The following CIZ1 variants were observed in gnomAD, a reference collection of about 807,000 sequenced individuals.
CIZ1 encodes CDKN1A interacting zinc finger protein 1, also known as cip1-interacting zinc finger protein.
CIZ1 carries 58 observed loss-of-function variants against 118.6 expected under a neutral mutation model. The ratio of observed to expected loss-of-function variants is 0.49; its 90% CI spans 0.40 to 0.61. CIZ1 has a LOEUF of 0.61. CIZ1 is among the 20% of genes least tolerant of loss of function. The probability of loss-of-function intolerance (pLI) is 0.00; values close to 1 mark genes in which losing one functional copy is unlikely to be tolerated. For missense variants in CIZ1, 921 were observed against 1,115.9 expected, an observed-to-expected ratio of 0.83 and a Z score of 2.49; for synonymous variants, 448 against 443.4, an observed-to-expected ratio of 1.01 and a Z score of -0.13.
chr9:128,187,990 C>T, intron 3 of CIZ1, 56 bp from the exon 4 acceptor site: 3 of 509,650 alleles, frequency 5.9e-6, no homozygotes, highest in South Asian at 4.1e-5. Flanking sequence ...TCCATCCCCC[C>T]TGACTCAGTG....
At chr9:128,199,766 G>T (rs1833464955) in intron 1 of CIZ1, among the ~76,000 whole-genome samples, 1 of 147,680 alleles carries the variant, frequency 6.8e-6, no homozygotes, top group Non-Finnish European at 1.5e-5. Context: ...AGAGAGTAAA[G>T]AAGCCATTTC....
chr9:128,168,326 G>A (rs1320638671), intron 14 of CIZ1, among the ~76,000 whole-genome samples: 2 of 152,068 alleles, frequency 1.3e-5, no homozygotes, highest in African/African-American at 4.8e-5. Context: ...GACCAGCCTG[G>A]CCAATATGGT....
chr9:128,177,047 G>A (rs1830948279), intron 10 of CIZ1, among the ~76,000 whole-genome samples: 1 of 152,168 alleles, frequency 6.6e-6, no homozygotes. Context: ...TGGGATTACA[G>A]AAGCATGCCA....
chr9:128,166,627 C>T lies in CIZ1; in HGVS notation c.2487+132G>A. 4 of 1,224,758 alleles carry T rather than the reference C, an allele frequency of 3.3e-6. No homozygotes were observed. Among genetic ancestry groups the T allele is most frequent in the Non-Finnish European group, 4.7e-6 (4 of 852,908 alleles). The allele number at this position is 1,224,758 out of a possible 1,614,324, so 75.9% of individuals were successfully genotyped here. ...ACCCCACCCCAGCTCTAATTCTCTC[C>T]CTGTTGGTGCAGGGGTGGTGCCTGG... On this transcript the variant is annotated intron_variant, in intron 16 of 16. Transcript: ENST00000372938. The surrounding 1 kb of genome is among the most constrained non-coding windows in gnomAD (Gnocchi z 4.4).
intron 1 of CIZ1, among the ~76,000 whole-genome samples, chr9:128,200,710 G>T (rs1263276195): frequency 1.3e-5 from 2 of 151,200 alleles, no homozygotes; most frequent in African/African-American, 4.9e-5. Flanking sequence ...GGTGGTGCAT[G>T]CCTGTAGTCC....
At chr9:128,182,369 G>A (rs1324220794) in intron 5 of CIZ1, among the ~76,000 whole-genome samples, 2 of 152,124 alleles carry the variant, frequency 1.3e-5, no homozygotes, top group Non-Finnish European at 1.5e-5. Context: ...TCAAACTCCT[G>A]ACCTCAGATG....
At chr9:128,189,381 C>T (rs561480872) in intron 3 of CIZ1, among the ~76,000 whole-genome samples, 1 of 152,206 alleles carries the variant, frequency 6.6e-6, no homozygotes, top group Non-Finnish European at 1.5e-5. Context: ...GTGGCCCTGA[C>T]AGGTCCACAG....
At chr9:128,173,208 G>A (rs914700922) in intron 11 of CIZ1, among the ~76,000 whole-genome samples, 13 of 143,726 alleles carry the variant, frequency 9.0e-5, no homozygotes, top group Non-Finnish European at 1.6e-4. Context: ...GCAGTGGCGC[G>A]ATCTTGGCTT....
chr9:128,199,139 GAGT>G (rs1564310965), intron 1 of CIZ1, among the ~76,000 whole-genome samples: 6 of 151,494 alleles, frequency 4.0e-5, no homozygotes, highest in African/African-American at 1.2e-4. Flanking sequence ...AGGCCGAGGT[GAGT>G]GGATCACCTG....
At chr9:128,193,861 T>C (rs1014105881), upstream of CIZ1, among the ~76,000 whole-genome samples, 1 of 152,188 alleles carries the variant, frequency 6.6e-6, no homozygotes, top group African/African-American at 2.4e-5. Flanking sequence ...TCTTAGCTGG[T>C]TTCCTCCTTG....
chr9:128,171,092 C>G (rs1450623130), intron 11 of CIZ1, among the ~76,000 whole-genome samples: 1 of 152,018 alleles, frequency 6.6e-6, no homozygotes, highest in Non-Finnish European at 1.5e-5. Flanking sequence ...CCACTGCACT[C>G]CAGCTGGGGC....
chr9:128,176,209 G>T, intron 11 of CIZ1, 142 bp downstream of exon 11: 2 of 1,008,378 alleles, frequency 2.0e-6, no homozygotes, highest in Non-Finnish European at 2.9e-6. Context: ...GAGGTTCAAG[G>T]TCACACAGTT....
At chr9:128,169,720 A>G (rs925482195) in intron 12 of CIZ1, 2 of 1,534,346 alleles carry the variant, frequency 1.3e-6, no homozygotes, top group African/African-American at 2.7e-5. Context: ...AGGATGGCAG[A>G]TGGCAACACA....
At chr9:128,167,768 G>GCAGGTGTAGGGAGGAGACCCTGACCTTA in intron 14 of CIZ1, 1 of 154,386 alleles carries the variant, frequency 6.5e-6, no homozygotes, top group Non-Finnish European at 1.5e-5. Context: ...GCCCTAGCAG[G>GCAGGTGTAGGGAGGAGACCCTGACCTTA]CCTAGCAGTG....
Position 128,166,584 on chromosome 9 carries a change from T to G in CIZ1, c.2487+175A>C, listed in dbSNP as rs1829455346. ...TAACAGCCTGGCACTCAGCATCCCC[T>G]TGAACAATAAGAGCCCAACCCCACC... On this transcript the variant is annotated intron_variant, in intron 16 of 16. Transcript: ENST00000372938. This position sits in a 1 kb window ranked among gnomAD's most constrained non-coding sequence, Gnocchi z 4.4. The G allele has an allele frequency of 1.0e-6, 1 of 991,166 alleles. No homozygotes were observed. Among genetic ancestry groups the G allele is most frequent in the South Asian group, 1.6e-5 (1 of 62,006 alleles). The allele number at this position is 991,166 out of a possible 1,614,324, so 61.4% of individuals were successfully genotyped here.
intron 11 of CIZ1, among the ~76,000 whole-genome samples, chr9:128,173,954 C>T (rs1222668744): frequency 3.3e-5 from 5 of 151,640 alleles, no homozygotes; most frequent in African/African-American, 7.3e-5. Flanking sequence ...TGCAGTGAGC[C>T]GAGATCGCGC....
intron 9 of CIZ1, 130 bp downstream of exon 9, chr9:128,178,239 G>T: frequency 8.7e-7 from 1 of 1,144,130 alleles, no homozygotes; most frequent in Non-Finnish European, 1.2e-6. Flanking sequence ...ATCCTAGGCA[G>T]AGGGCTGTCA....
At chr9:128,167,357 C>A in intron 14 of CIZ1, 193 bp from the exon 15 acceptor site, 1 of 573,842 alleles carries the variant, frequency 1.7e-6, no homozygotes, top group Non-Finnish European at 3.1e-6. Flanking sequence ...CCAATCTATA[C>A]TTTCTAGACT....
In CIZ1 at chr9:128,180,470, C is replaced by G. The variant is rs201442924; in HGVS notation, c.736G>C (p.Ala246Pro). 2 of 1,614,166 alleles carry G rather than the reference C, an allele frequency of 1.2e-6. No homozygotes were observed. Among genetic ancestry groups the G allele is most frequent in the Non-Finnish European group, 1.7e-6 (2 of 1,180,024 alleles). ...EDIAKEKRTPAPEPEPCEASE... is the reference protein window; with the variant it reads ...EDIAKEKRTPPPEPEPCEASE... The stretch of plus-strand genomic sequence containing the variant: ...GCCTCACAAGGCTCAGGCTCAGGTG[C>G]TGGAGTGCGTTTTTCCTTGGCGATG... Residue 246 changes from alanine (A) to proline (P), a missense_variant, in exon 7 of 17, where the codon GCA becomes CCA. Transcript: ENST00000372938.
Sources: gnomAD v4.1 joint callset for allele counts (sites outside exome capture counted in the v4.1 genomes callset) on GRCh38, gnomAD v4.1.1 for gene constraint, Gnocchi (gnomAD v3.1) non-coding constraint, MANE v1.5 for transcripts, NCBI Gene and HGNC (gene_info 2026-07-23, HGNC 2026-07-21) for gene names.